Variants in ENTHD1 observed in about 807,000 individuals in gnomAD.
ENTHD1 encodes ENTH domain-containing protein 1.
Under a neutral mutation model 39.1 loss-of-function variants are expected in ENTHD1, and 23 were observed. That is an observed-to-expected ratio of 0.59 (90% CI 0.42 to 0.83). ENTHD1 has a LOEUF of 0.83. Ranked by LOEUF, ENTHD1 falls within the 40% of genes least tolerant of loss-of-function variation. ENTHD1 has a pLI of 0.00. For synonymous variants in ENTHD1, 230 were observed against 258.2 expected, an observed-to-expected ratio of 0.89 and a Z score of 1.05; for missense variants, 624 against 705.4, an observed-to-expected ratio of 0.88 and a Z score of 1.31.
intron 4 of ENTHD1, 138 bp downstream of exon 4, chr22:39,835,702 G>A (rs2065903119): frequency 1.9e-6 from 1 of 518,836 alleles, no homozygotes; most frequent in Admixed American, 3.2e-5. Flanking sequence ...AAAGAACACA[G>A]CCCTACGGAC....
At chr22:39,859,065 G>C (rs2066118675) in intron 3 of ENTHD1, among the ~76,000 whole-genome samples, 1 of 152,176 alleles carries the variant, frequency 6.6e-6, no homozygotes, top group Non-Finnish European at 1.5e-5. Context: ...GCTTCACTTT[G>C]TACTTGTGTG....
At chr22:39,864,915 G>A (rs996127083) in intron 2 of ENTHD1, among the ~76,000 whole-genome samples, 1 of 151,996 alleles carries the variant, frequency 6.6e-6, no homozygotes, top group African/African-American at 2.4e-5. Context: ...AAAATTTACC[G>A]AGTGAATTAA....
At chr22:39,850,216 T>C (rs2066024168) in intron 3 of ENTHD1, among the ~76,000 whole-genome samples, 1 of 152,168 alleles carries the variant, frequency 6.6e-6, no homozygotes. Context: ...ATTCCTGTAG[T>C]TCTACCAACT....
chr22:39,756,312 TCTCTCACA>T (rs1264957507), intron 6 of ENTHD1, among the ~76,000 whole-genome samples: 1 of 148,386 alleles, frequency 6.7e-6, no homozygotes, highest in African/African-American at 2.5e-5. Context: ...TCTCTCTCTC[TCTCTCACA>T]CACACACACA....
Position 39,744,030 on chromosome 22 carries a change from C to T in ENTHD1, c.1473G>A (p.Leu491=). The change falls in exon 7 of 7, where the codon CTG becomes CTA. Residue 491 remains leucine (L), a synonymous_variant. Transcript: ENST00000325157. ...DVEENDSLNL[L]GILPNNSDSA... Reference sequence around the variant, plus strand: ...AATCAGAGTTATTTGGAAGAATTCCCAGTAGATTGAGGCTATCATTTTCCT... The same window carrying T: ...AATCAGAGTTATTTGGAAGAATTCCTAGTAGATTGAGGCTATCATTTTCCT... The T allele has an allele frequency of 6.2e-7, 1 of 1,613,970 alleles. No individual in the cohort carries two copies. Among genetic ancestry groups the T allele is most frequent in the East Asian group, 2.2e-5 (1 of 44,886 alleles).
intron 5 of ENTHD1, among the ~76,000 whole-genome samples, chr22:39,800,249 T>G (rs1369901329): frequency 6.6e-6 from 1 of 152,224 alleles, no homozygotes; most frequent in Admixed American, 6.5e-5. Flanking sequence ...CTCCTATGCC[T>G]TAGGTGTTTC....
intron 4 of ENTHD1, among the ~76,000 whole-genome samples, chr22:39,825,801 T>A (rs1279174414): frequency 6.6e-6 from 1 of 152,010 alleles, no homozygotes; most frequent in African/African-American, 2.4e-5. Context: ...GACATAGTAG[T>A]TTCACTACCC....
At chr22:39,756,571 G>C (rs1363188938) in intron 6 of ENTHD1, among the ~76,000 whole-genome samples, 1 of 151,978 alleles carries the variant, frequency 6.6e-6, no homozygotes, top group Non-Finnish European at 1.5e-5. Context: ...GACCTCAAGT[G>C]ATCCTCCTGC....
intron 3 of ENTHD1, among the ~76,000 whole-genome samples, chr22:39,860,784 C>T (rs1490452194): frequency 6.6e-6 from 1 of 152,212 alleles, no homozygotes. Context: ...ATTTCTCATA[C>T]ACAACTTATC....
At chr22:39,849,066 C>T (rs1601639380) in intron 3 of ENTHD1, among the ~76,000 whole-genome samples, 3 of 152,218 alleles carry the variant, frequency 2.0e-5, no homozygotes, top group South Asian at 4.1e-4. Context: ...GGTCCATGCA[C>T]CTATCCTGCA....
chr22:39,825,988 GC>G (rs1569156689), intron 4 of ENTHD1, among the ~76,000 whole-genome samples: 1 of 152,188 alleles, frequency 6.6e-6, no homozygotes, highest in Non-Finnish European at 1.5e-5. Context: ...TGATTCTCAT[GC>G]CTCAGCCTCT....
Position 39,861,854 on chromosome 22 carries a change from A to C in ENTHD1, c.503T>G (p.Leu168Arg), listed in dbSNP as rs1346822813. 1 of 1,605,960 alleles carries C rather than the reference A, an allele frequency of 6.2e-7. No homozygotes were observed. The highest frequency in any genetic ancestry group is 8.5e-7 in the Non-Finnish European group (1 of 1,174,600). The change falls in exon 3 of 7, where the codon CTG becomes CGG. Residue 168 changes from leucine (L) to arginine (R), a missense_variant. Coordinates refer to ENST00000325157, the MANE Select transcript of ENTHD1 (RefSeq NM_152512.4). ...SKRQLGSSNS[L>R]TACTSAPTPD... Reference sequence around the variant, plus strand: ...TGTGGGGGCAGAAGTGCACGCTGTCAGTGAGTTACTTGAACCAAGTTGTCT... The same window carrying C: ...TGTGGGGGCAGAAGTGCACGCTGTCCGTGAGTTACTTGAACCAAGTTGTCT...
At chr22:39,764,123 G>A (rs984573228) in intron 6 of ENTHD1, among the ~76,000 whole-genome samples, 7 of 152,094 alleles carry the variant, frequency 4.6e-5, no homozygotes, top group Non-Finnish European at 8.8e-5. Flanking sequence ...GGCTTCCATT[G>A]TTTATATTTA....
chr22:39,814,700 C>T (rs1239573846), intron 5 of ENTHD1, among the ~76,000 whole-genome samples: 3 of 152,164 alleles, frequency 2.0e-5, no homozygotes, highest in Non-Finnish European at 4.4e-5. Flanking sequence ...GGACAGCTGG[C>T]TATCCATTTA....
chr22:39,864,612 G>A (rs1430283707), intron 2 of ENTHD1, among the ~76,000 whole-genome samples: 1 of 152,184 alleles, frequency 6.6e-6, no homozygotes, highest in Non-Finnish European at 1.5e-5. Context: ...GTCTGCAAGA[G>A]TGACTGGCAC....
chr22:39,840,962 G>C (rs1012667628), intron 3 of ENTHD1, among the ~76,000 whole-genome samples: 1 of 151,962 alleles, frequency 6.6e-6, no homozygotes, highest in Non-Finnish European at 1.5e-5. Flanking sequence ...CCGTGGTCTC[G>C]ATCTGCTGTC....
intron 5 of ENTHD1, among the ~76,000 whole-genome samples, chr22:39,791,663 G>A (rs969446687): frequency 6.6e-6 from 1 of 152,102 alleles, no homozygotes; most frequent in African/African-American, 2.4e-5. Flanking sequence ...CTCCCAAAGT[G>A]CTGGGATTAC....
intron 5 of ENTHD1, among the ~76,000 whole-genome samples, chr22:39,773,112 C>A (rs2065339788): frequency 1.2e-5 from 1 of 82,504 alleles, no homozygotes; most frequent in African/African-American, 5.2e-5. Flanking sequence ...AGTGAGACCT[C>A]ATCTCAAAAA....
At chr22:39,873,124 T>C (rs1188665305) in intron 2 of ENTHD1, among the ~76,000 whole-genome samples, 1 of 152,154 alleles carries the variant, frequency 6.6e-6, no homozygotes, top group Non-Finnish European at 1.5e-5. Flanking sequence ...ACATAACTTT[T>C]AATAACAACA....
Sources: gnomAD v4.1 joint callset for allele counts (sites outside exome capture counted in the v4.1 genomes callset) on GRCh38, gnomAD v4.1.1 for gene constraint, MANE v1.5 for transcripts, NCBI Gene and HGNC (gene_info 2026-07-23, HGNC 2026-07-21) for gene names.